The following MAML3 variants were observed in gnomAD, a reference collection of about 807,000 sequenced individuals.
MAML3 encodes the protein mastermind-like protein 3.
MAML3 carries 27 observed loss-of-function variants against 101.9 expected under a neutral mutation model. The observed-to-expected ratio is 0.27, with a 90% CI of 0.20 to 0.37. MAML3 has a LOEUF of 0.37. MAML3 is among the 10% of genes least tolerant of loss of function. The pLI, the probability that MAML3 is intolerant of heterozygous loss-of-function variation, is 1.00. For missense variants in MAML3, 1,316 were observed against 1,444.9 expected, an observed-to-expected ratio of 0.91 and a Z score of 1.45; for synonymous variants, 501 against 555.9, an observed-to-expected ratio of 0.90 and a Z score of 1.39.
At chr4:139,879,915 G>A (rs1273708246) in intron 2 of MAML3, among the ~76,000 whole-genome samples, 4 of 152,208 alleles carry the variant, frequency 2.6e-5, no homozygotes, top group Non-Finnish European at 2.9e-5. Flanking sequence ...GCTCACGCCT[G>A]TAATCCCAGC....
chr4:140,120,236 C>CAAAA (rs35845014), intron 1 of MAML3, among the ~76,000 whole-genome samples: 2 of 90,080 alleles, frequency 2.2e-5, no homozygotes, highest in Non-Finnish European at 4.7e-5. Flanking sequence ...GACTCCGTCT[C>CAAAA]AAAAAAAAAA....
intron 2 of MAML3, among the ~76,000 whole-genome samples, chr4:139,788,172 A>G (rs932078661): frequency 5.3e-5 from 8 of 152,246 alleles, no homozygotes; most frequent in African/African-American, 1.4e-4. Flanking sequence ...TTTCTTTTCG[A>G]TATTACATTG....
At position 139,917,272 on chromosome 4, in the gene MAML3, C is replaced by T. The variant is rs116769633; in HGVS notation, c.469-26305G>A. ...TTTTGTTTTCCTTGAAGTTTGAAGC[C>T]GTGTGCTCTTGAAATTCTAGGTTGC... On this transcript the variant is annotated intron_variant, in intron 1 of 4. Coordinates refer to ENST00000509479, the MANE Select transcript of MAML3 (RefSeq NM_018717.5). Among the ~76,000 whole-genome samples the T allele has an allele frequency of 3.1e-3, 472 of 152,222 alleles. 1 individual carries two copies. Among genetic ancestry groups the T allele is most frequent in the African/African-American group, 0.011 (452 of 41,528 alleles).
chr4:140,152,408 G>A (rs970765054), intron 1 of MAML3, among the ~76,000 whole-genome samples: 19 of 152,168 alleles, frequency 1.2e-4, no homozygotes, highest in Non-Finnish European at 7.4e-5. Flanking sequence ...CGCACCCGGC[G>A]GATGTGCTGA....
At position 139,801,643 on chromosome 4, in the gene MAML3, G is replaced by GTGTGTGT. The variant is rs1560798508; in HGVS notation, c.2080-70977_2080-70976insACACACA. Among the ~76,000 whole-genome samples the GTGTGTGT allele has an allele frequency of 8.0e-3, 245 of 30,736 alleles. 1 individual carries two copies. The highest frequency in any genetic ancestry group is 0.038 in the South Asian group (34 of 884). The allele number at this position is 30,736 out of a possible 152,430, so 20.2% of individuals were successfully genotyped here. A position where few individuals can be genotyped will look rare whatever the true frequency, so the allele number is the denominator to read the frequency against. Reference sequence around the variant, plus strand: ...AAAGAGCAGGAACAGGGTGTGTGTGGGTGTGTGTGTGTGTGTGTGTGTGTG... The same window carrying GTGTGTGT: ...AAAGAGCAGGAACAGGGTGTGTGTGGTGTGTGTGTGTGTGTGTGTGTGTGTGTGTGTG... On this transcript the variant is annotated intron_variant, in intron 2 of 4. Transcript: ENST00000509479.
At position 139,889,990 on chromosome 4, in the gene MAML3, C is replaced by T; in HGVS notation, c.1446G>A (p.Met482Ile). 1.2e-6 allele frequency: 2 copies of T among 1,612,738 alleles called. No individual in the cohort carries two copies. The highest frequency in any genetic ancestry group is 1.7e-6 in the Non-Finnish European group (2 of 1,179,258). ...GCTGTTGCTGTTGCTGTTTCTGCTG[C>T]ATGAGTTTGGCCCTTTGTTGCTGCT... is the stretch of plus-strand genomic sequence containing the variant. The part of the protein sequence containing the change: ...AAQQQQRAKL[M>I]QQKQQQQQQQ... Residue 482 changes from methionine (M) to isoleucine (I), a missense_variant, in exon 2 of 5, where the codon ATG (methionine) becomes ATA (isoleucine). Transcript: ENST00000509479.
At chr4:139,861,552 G>A (rs1291253056) in intron 2 of MAML3, among the ~76,000 whole-genome samples, 1 of 150,064 alleles carries the variant, frequency 6.7e-6, no homozygotes, top group East Asian at 2.0e-4. Flanking sequence ...ATAGGTATTA[G>A]AAATTCCACA....
At chr4:140,033,751 T>C (rs1726942857) in intron 1 of MAML3, among the ~76,000 whole-genome samples, 1 of 152,210 alleles carries the variant, frequency 6.6e-6, no homozygotes, top group Non-Finnish European at 1.5e-5. Context: ...CACAGGGTTA[T>C]CGGGATGATT....
intron 1 of MAML3, among the ~76,000 whole-genome samples, chr4:139,902,750 A>T (rs901542687): frequency 6.6e-6 from 1 of 152,230 alleles, no homozygotes; most frequent in Non-Finnish European, 1.5e-5. Context: ...AAAAGAAATT[A>T]GACCAAGGTA....
intron 1 of MAML3, among the ~76,000 whole-genome samples, chr4:139,974,351 C>T (rs569755556): frequency 2.4e-4 from 36 of 152,134 alleles, no homozygotes; most frequent in Non-Finnish European, 4.7e-4. Flanking sequence ...GTGATCTGCC[C>T]GTCTCGGCCT....
intron 1 of MAML3, among the ~76,000 whole-genome samples, chr4:139,991,133 G>A (rs900017505): frequency 3.3e-5 from 5 of 152,094 alleles, no homozygotes; most frequent in East Asian, 1.9e-4. Flanking sequence ...GAGGTATCAC[G>A]CTACCTGACT....
chr4:139,967,741 C>T (rs139237222), intron 1 of MAML3, among the ~76,000 whole-genome samples: 137 of 152,192 alleles, frequency 9.0e-4, no homozygotes, highest in African/African-American at 3.2e-3. Flanking sequence ...TTTTTTCAAA[C>T]GCCTGGACAA....
Position 139,864,324 on chromosome 4 carries a change from C to T in MAML3, c.2079+25033G>A, listed in dbSNP as rs151011481. On this transcript the variant is annotated intron_variant, in intron 2 of 4. Coordinates refer to ENST00000509479, the MANE Select transcript of MAML3 (RefSeq NM_018717.5). ...TTGCACAGGCTTCAAATTCACACTC[C>T]AGTATAATAATTAATTACTCATACT... Among the ~76,000 whole-genome samples, 23 of 152,212 alleles carry T rather than the reference C, an allele frequency of 1.5e-4. No individual in the cohort carries two copies. In the East Asian group the frequency reaches 4.3e-3, roughly 28 times the overall value.
chr4:140,104,298 T>C (rs1728298752), intron 1 of MAML3, among the ~76,000 whole-genome samples: 1 of 134,702 alleles, frequency 7.4e-6, no homozygotes, highest in Admixed American at 8.0e-5. Flanking sequence ...GGCAGGAGGA[T>C]TGCCTTAGCT....
chr4:139,797,528 A>AG (rs1730531741), intron 2 of MAML3, among the ~76,000 whole-genome samples: 1 of 152,158 alleles, frequency 6.6e-6, no homozygotes, highest in Admixed American at 6.5e-5. Flanking sequence ...CCTTGGTGGA[A>AG]GGGGGTGTTC....
intron 1 of MAML3, among the ~76,000 whole-genome samples, chr4:139,900,030 G>A (rs1337501730): frequency 6.6e-6 from 1 of 150,486 alleles, no homozygotes; most frequent in African/African-American, 2.4e-5. Context: ...TAGCTGCAGA[G>A]TCCCAAGGGA....
At chr4:140,002,609 G>A (rs1381446034) in intron 1 of MAML3, among the ~76,000 whole-genome samples, 1 of 152,166 alleles carries the variant, frequency 6.6e-6, no homozygotes, top group Non-Finnish European at 1.5e-5. Context: ...ATAATCGGAA[G>A]ATCTAGGACT....
At chr4:139,744,205 A>G (rs980907525) in intron 2 of MAML3, among the ~76,000 whole-genome samples, 11 of 152,222 alleles carry the variant, frequency 7.2e-5, no homozygotes, top group African/African-American at 1.9e-4. Context: ...AGGGTGGCTG[A>G]CCTAATAGAG....
intron 1 of MAML3, among the ~76,000 whole-genome samples, chr4:140,127,651 C>T (rs1728705365): frequency 1.3e-5 from 2 of 152,146 alleles, no homozygotes; most frequent in African/African-American, 4.8e-5. Flanking sequence ...TGGTGGTTTG[C>T]TAATAATAAC....
Sources: allele counts gnomAD v4.1 joint callset (sites outside exome capture counted in the v4.1 genomes callset), GRCh38; gene constraint gnomAD v4.1.1; transcripts MANE v1.5; gene names NCBI Gene and HGNC (gene_info 2026-07-23, HGNC 2026-07-21).